Variants in MACROD2 observed in about 807,000 individuals in gnomAD.
MACROD2 encodes ADP-ribose glycohydrolase MACROD2.
In MACROD2, 36 loss-of-function variants were observed where a neutral mutation model predicts 70.4. The ratio of observed to expected loss-of-function variants is 0.51; its 90% confidence interval spans 0.39 to 0.68. The LOEUF (loss-of-function observed/expected upper bound fraction) is 0.68, where lower values mean the gene tolerates loss of function less well. MACROD2 is among the 30% of genes least tolerant of loss of function. The pLI, the probability that MACROD2 is intolerant of heterozygous loss-of-function variation, is 0.00. For missense variants in MACROD2, 496 were observed against 538.4 expected (o/e 0.92, Z 0.78); for synonymous variants, 172 against 178.8 (o/e 0.96, Z 0.30).
At chr20:14,699,684 A>G (rs1307540590) in intron 5 of MACROD2, among the ~76,000 whole-genome samples, 1 of 152,340 alleles carries the variant, frequency 6.6e-6, no homozygotes, top group Non-Finnish European at 1.5e-5. Context: ...CATATATTCC[A>G]GTAATATGTA....
intron 3 of MACROD2, among the ~76,000 whole-genome samples, chr20:14,361,952 C>T (rs369998943): frequency 2.6e-5 from 4 of 152,186 alleles, no homozygotes; most frequent in African/African-American, 7.2e-5. Context: ...CTTTCTAGAG[C>T]CCATTTATTG....
intron 3 of MACROD2, among the ~76,000 whole-genome samples, chr20:14,117,132 T>C (rs2148689274): frequency 6.6e-6 from 1 of 152,232 alleles, no homozygotes; most frequent in Non-Finnish European, 1.5e-5. Context: ...CTTTACTTTG[T>C]ATTCCCCCTC....
intron 4 of MACROD2, among the ~76,000 whole-genome samples, chr20:14,518,423 TATG>T (rs539013014): frequency 6.6e-6 from 1 of 152,138 alleles, no homozygotes; most frequent in South Asian, 2.1e-4. Context: ...TTGAAATAAG[TATG>T]ATAAAGCAGC....
rs113918969 is a variant in MACROD2, at chr20:15,818,385, T to C, written c.646-44360T>C. Among the ~76,000 whole-genome samples the C allele has an allele frequency of 2.0e-3, 311 of 152,306 alleles. 3 individuals are homozygous for C. The highest frequency in any genetic ancestry group is 7.2e-3 in the African/African-American group (298 of 41,558). On this transcript the variant is annotated intron_variant, in intron 8 of 17. Transcript: ENST00000684519. ...CAGAACCGAGGGTTCCTCCCCCTTT[T>C]AGACCATCTAGGGTAACTTCCAGAA...
chr20:14,490,656 C>T (rs999486210), intron 3 of MACROD2, among the ~76,000 whole-genome samples: 4 of 152,034 alleles, frequency 2.6e-5, no homozygotes, highest in African/African-American at 9.7e-5. Context: ...TTTCTTTGTT[C>T]CTTTTCTTCT....
At chr20:14,519,938 AT>A (rs1568651314) in intron 4 of MACROD2, among the ~76,000 whole-genome samples, 1 of 152,156 alleles carries the variant, frequency 6.6e-6, no homozygotes, top group East Asian at 1.9e-4. Context: ...GTTGGAGGCC[AT>A]TATCTGTTCC....
intron 5 of MACROD2, among the ~76,000 whole-genome samples, chr20:15,198,106 C>T (rs1381551422): frequency 2.0e-5 from 3 of 151,966 alleles, no homozygotes; most frequent in Non-Finnish European, 2.9e-5. Flanking sequence ...AGACTACAGG[C>T]GTGTACCACC....
intron 5 of MACROD2, among the ~76,000 whole-genome samples, chr20:14,852,477 T>G (rs1035910152): frequency 1.3e-5 from 2 of 151,996 alleles, no homozygotes; most frequent in Non-Finnish European, 2.9e-5. Context: ...TCAAGAAGTT[T>G]AGTAGTGGAG....
chr20:15,378,408 G>A (rs957215681), intron 6 of MACROD2, among the ~76,000 whole-genome samples: 13 of 152,010 alleles, frequency 8.6e-5, no homozygotes, highest in African/African-American at 2.7e-4. Flanking sequence ...GGAAGAGAAA[G>A]GTAGGGGCAC....
rs1333663932 is a variant in MACROD2 at position 15,658,223 on chromosome 20, CTCTTT to C, written c.645+158378_645+158382del. Among the ~76,000 whole-genome samples, 184 of 139,218 alleles carry C rather than the reference CTCTTT, an allele frequency of 1.3e-3. 2 individuals are homozygous for C. The East Asian group carries it at 0.034, about 26-fold the overall frequency. The allele number at this position is 139,218 out of a possible 152,430, so 91.3% of individuals were successfully genotyped here. A position where few individuals can be genotyped will look rare whatever the true frequency, so the allele number is the denominator to read the frequency against. ...AAAAGCTTTTTTCTTTTCTCTCTCTCTCTTTTTTTTTTTTTTTAACTTGAATATCA... is the reference window on the plus strand; with the variant it reads ...AAAAGCTTTTTTCTTTTCTCTCTCTCTTTTTTTTTTTTAACTTGAATATCA... On this transcript the variant is annotated intron_variant, in intron 8 of 17. Transcript: ENST00000684519.
At chr20:15,447,758 G>T (rs1219104531) in intron 7 of MACROD2, among the ~76,000 whole-genome samples, 3 of 152,124 alleles carry the variant, frequency 2.0e-5, no homozygotes, top group African/African-American at 7.2e-5. Flanking sequence ...TTAGGACACT[G>T]GAAACATGGG....
chr20:15,370,029 A>T (rs1032222700), intron 6 of MACROD2, among the ~76,000 whole-genome samples: 1 of 152,146 alleles, frequency 6.6e-6, no homozygotes, highest in Non-Finnish European at 1.5e-5. Flanking sequence ...GAGAAAATGC[A>T]TGCCAAGATG....
chr20:15,393,801 A>G (rs906670180), intron 6 of MACROD2, among the ~76,000 whole-genome samples: 3 of 152,180 alleles, frequency 2.0e-5, no homozygotes, highest in Admixed American at 6.5e-5. Context: ...CTAACAAGGT[A>G]AGCCTGCCTT....
intron 6 of MACROD2, among the ~76,000 whole-genome samples, chr20:15,307,534 C>A (rs1409581033): frequency 6.6e-6 from 1 of 152,134 alleles, no homozygotes; most frequent in African/African-American, 2.4e-5. Flanking sequence ...ATGTCATTAT[C>A]ATGTTATTTC....
At chr20:15,499,941 C>A in intron 8 of MACROD2, 94 bp downstream of exon 8, 2 of 1,196,050 alleles carry the variant, frequency 1.7e-6, no homozygotes, top group Non-Finnish European at 2.4e-6. Flanking sequence ...TAAATATCAA[C>A]TACACCTAGT....
At position 14,263,481 on chromosome 20, in the gene MACROD2, C is replaced by G. The variant is rs376031111; in HGVS notation, c.271+177753C>G. 4.6e-5 allele frequency among the ~76,000 whole-genome samples: 7 copies of G among 152,210 alleles called. No individual in the cohort carries two copies. The East Asian group carries it at 9.7e-4, about 21-fold the overall frequency. Reference sequence around the variant, plus strand: ...AGGGTAGGGGAGAGGAATGTCCTAGCTTCTCTCCACTTTCTCCCTTTCAGT... The same window carrying G: ...AGGGTAGGGGAGAGGAATGTCCTAGGTTCTCTCCACTTTCTCCCTTTCAGT... On this transcript the variant is annotated intron_variant, in intron 3 of 17. Transcript: ENST00000684519.
intron 5 of MACROD2, among the ~76,000 whole-genome samples, chr20:15,036,701 C>A (rs2075315850): frequency 6.6e-6 from 1 of 152,072 alleles, no homozygotes; most frequent in Admixed American, 6.5e-5. Context: ...CAAAAACTCA[C>A]CATCATCTTT....
At chr20:15,889,473 T>C (rs939699098) in intron 10 of MACROD2, among the ~76,000 whole-genome samples, 16 of 152,172 alleles carry the variant, frequency 1.1e-4, no homozygotes, top group Non-Finnish European at 2.9e-5. Flanking sequence ...CCAAAATTCA[T>C]GTCCTTTACT....
At chr20:14,790,875 C>T (rs556918461) in intron 5 of MACROD2, among the ~76,000 whole-genome samples, 1 of 152,134 alleles carries the variant, frequency 6.6e-6, no homozygotes, top group East Asian at 1.9e-4. Context: ...TACATTTCCT[C>T]AATTGACTTT....
Sources: allele counts gnomAD v4.1 joint callset (sites outside exome capture counted in the v4.1 genomes callset), GRCh38; gene constraint gnomAD v4.1.1; transcripts MANE v1.5; gene names NCBI Gene and HGNC (gene_info 2026-07-23, HGNC 2026-07-21).